LRRC1: variants seen among roughly 807,000 people sequenced by gnomAD.
LRRC1 encodes leucine rich repeat containing 1.
LRRC1 carries 28 observed loss-of-function variants against 69.9 expected under a neutral mutation model. That is an observed-to-expected ratio of 0.40 (90% CI 0.30 to 0.55). The LOEUF (loss-of-function observed/expected upper bound fraction) is 0.55, where lower values mean the gene tolerates loss of function less well. Ranked by LOEUF, LRRC1 falls within the 20% of genes least tolerant of loss-of-function variation. LRRC1 has a pLI of 0.47. For missense variants in LRRC1, 498 were observed against 609.0 expected (o/e 0.82, Z 1.92); for synonymous variants, 236 against 240.2 (o/e 0.98, Z 0.16).
chr6:53,819,244 C>T (rs940054489), intron 1 of LRRC1, among the ~76,000 whole-genome samples: 2 of 152,096 alleles, frequency 1.3e-5, no homozygotes, highest in South Asian at 2.1e-4. Flanking sequence ...AAAGGAAGTT[C>T]GGGTATCTTT....
At chr6:53,916,467 A>T (rs1268445838) in intron 11 of LRRC1, among the ~76,000 whole-genome samples, 1 of 152,176 alleles carries the variant, frequency 6.6e-6, no homozygotes, top group Non-Finnish European at 1.5e-5. Context: ...ACTGAGTGAA[A>T]AGGGAAAGTG....
rs534203112 is a variant in LRRC1 at position 53,826,337 on chromosome 6, G to A, written c.160-15773G>A. Among the ~76,000 whole-genome samples, 18 of 151,980 alleles carry A rather than the reference G, an allele frequency of 1.2e-4. No individual in the cohort carries two copies. In the South Asian group the frequency reaches 3.3e-3, roughly 28 times the overall value. ...CTAATTTTGGTTTATGTTAATAGAG[G>A]AACCTCCCCAGTCTTTCCAAGCCAG... On this transcript the variant is annotated intron_variant, in intron 1 of 13. Transcript: ENST00000370888.
At chr6:53,843,293 G>T (rs1379123528) in intron 2 of LRRC1, among the ~76,000 whole-genome samples, 2 of 152,062 alleles carry the variant, frequency 1.3e-5, no homozygotes, top group Non-Finnish European at 1.5e-5. Flanking sequence ...GTATATTTCA[G>T]TCTGATATTT....
intron 2 of LRRC1, among the ~76,000 whole-genome samples, chr6:53,862,934 A>C (rs1391705829): frequency 1.3e-5 from 2 of 152,208 alleles, no homozygotes; most frequent in Non-Finnish European, 2.9e-5. Context: ...ATTTTTAAGC[A>C]GGATTGAGTC....
At chr6:53,908,343 A>G (rs896991710) in intron 10 of LRRC1, among the ~76,000 whole-genome samples, 2 of 152,236 alleles carry the variant, frequency 1.3e-5, no homozygotes, top group African/African-American at 4.8e-5. Context: ...TCATTCATCA[A>G]AGCTTTTTTC....
intron 10 of LRRC1, among the ~76,000 whole-genome samples, chr6:53,906,932 G>C (rs1454248315): frequency 1.3e-5 from 2 of 152,216 alleles, no homozygotes; most frequent in Non-Finnish European, 2.9e-5. Flanking sequence ...AATGTGCTGA[G>C]CACATGTCTC....
At chr6:53,871,218 T>C (rs1027610029) in intron 2 of LRRC1, among the ~76,000 whole-genome samples, 1 of 152,216 alleles carries the variant, frequency 6.6e-6, no homozygotes, top group Non-Finnish European at 1.5e-5. Flanking sequence ...CGCCGTAGTT[T>C]TTCATAATGG....
At chr6:53,880,352 A>G (rs1767249455) in intron 3 of LRRC1, among the ~76,000 whole-genome samples, 1 of 152,024 alleles carries the variant, frequency 6.6e-6, no homozygotes, top group Admixed American at 6.6e-5. Flanking sequence ...TTTCCCCACC[A>G]TCTTCCATTC....
chr6:53,879,502 T>C (rs1282935687), intron 3 of LRRC1, among the ~76,000 whole-genome samples: 1 of 152,066 alleles, frequency 6.6e-6, no homozygotes, highest in Non-Finnish European at 1.5e-5. Flanking sequence ...GCCAGGATGA[T>C]CTCGATCTCC....
intron 1 of LRRC1, among the ~76,000 whole-genome samples, chr6:53,825,681 C>T (rs182961401): frequency 6.6e-6 from 1 of 152,168 alleles, no homozygotes; most frequent in Non-Finnish European, 1.5e-5. Context: ...ATTGAGTAAA[C>T]TCTGAGGGTT....
intron 1 of LRRC1, among the ~76,000 whole-genome samples, chr6:53,798,587 GCCA>G (rs1248557763): frequency 6.6e-6 from 1 of 152,114 alleles, no homozygotes; most frequent in Non-Finnish European, 1.5e-5. Flanking sequence ...CACCATGTTA[GCCA>G]GGATGGTCTC....
At chr6:53,836,448 A>G (rs909577189) in intron 1 of LRRC1, among the ~76,000 whole-genome samples, 1 of 152,200 alleles carries the variant, frequency 6.6e-6, no homozygotes, top group Non-Finnish European at 1.5e-5. Flanking sequence ...AGTGTCCCTC[A>G]GTAGAGGTTA....
chr6:53,891,679 T>C (rs1416474893), intron 4 of LRRC1, among the ~76,000 whole-genome samples: 2 of 152,090 alleles, frequency 1.3e-5, no homozygotes, highest in Non-Finnish European at 2.9e-5. Flanking sequence ...ACTGAATATA[T>C]TGTTGTAAAT....
chr6:53,896,435 A>G, intron 4 of LRRC1, 63 bp from the exon 5 acceptor site: 3 of 1,350,270 alleles, frequency 2.2e-6, no homozygotes, highest in Non-Finnish European at 3.2e-6. Flanking sequence ...GTATGGGGGA[A>G]GGGAGGTAGG....
At chr6:53,913,120 T>G (rs1189675445) in intron 10 of LRRC1, among the ~76,000 whole-genome samples, 1 of 152,132 alleles carries the variant, frequency 6.6e-6, no homozygotes, top group Non-Finnish European at 1.5e-5. Flanking sequence ...TTTAAAAAAA[T>G]GGTAATCAAA....
At chr6:53,812,786 T>C (rs1224638211) in intron 1 of LRRC1, among the ~76,000 whole-genome samples, 2 of 151,362 alleles carry the variant, frequency 1.3e-5, no homozygotes, top group East Asian at 1.9e-4. Flanking sequence ...TTTTCTCAGT[T>C]CAGGATGAGA....
intron 1 of LRRC1, among the ~76,000 whole-genome samples, chr6:53,835,120 C>T (rs984116270): frequency 6.9e-6 from 1 of 145,130 alleles, no homozygotes; most frequent in Non-Finnish European, 1.6e-5. Flanking sequence ...TACAATTCAC[C>T]CAAGTGCGCA....
chr6:53,907,984 A>C (rs1390006331), intron 10 of LRRC1, among the ~76,000 whole-genome samples: 1 of 152,044 alleles, frequency 6.6e-6, no homozygotes, highest in East Asian at 1.9e-4. Flanking sequence ...CATGCCTCTG[A>C]TTTTTCAAGT....
At chr6:53,823,713 C>T (rs781210584) in intron 1 of LRRC1, among the ~76,000 whole-genome samples, 4 of 152,092 alleles carry the variant, frequency 2.6e-5, no homozygotes, top group Non-Finnish European at 5.9e-5. Context: ...CATATGTTCC[C>T]CTCCCACTTA....
Sources: allele counts gnomAD v4.1 joint callset (sites outside exome capture counted in the v4.1 genomes callset), GRCh38; gene constraint gnomAD v4.1.1; transcripts MANE v1.5; gene names NCBI Gene and HGNC (gene_info 2026-07-23, HGNC 2026-07-21).